Variants in RANBP2 observed in about 807,000 individuals in gnomAD.
RANBP2 encodes E3 SUMO-protein ligase RanBP2.
A neutral mutation model predicts 303.6 loss-of-function variants in RANBP2; 57 were observed. That is an observed-to-expected ratio of 0.19 (90% confidence interval 0.15 to 0.23). RANBP2 has a LOEUF of 0.23. RANBP2 is among the 10% of genes least tolerant of loss of function. The pLI, the probability that RANBP2 is intolerant of heterozygous loss-of-function variation, is 1.00. For missense variants in RANBP2, 3,138 were observed against 3,780.8 expected (o/e 0.83, Z 4.46); for synonymous variants, 1,167 against 1,301.5 (o/e 0.90, Z 2.23).
chr2:109,256,914 C>A, the RANBP2 span, among the ~76,000 whole-genome samples: 2,858 of 152,246 alleles, frequency 0.019, 96 homozygotes, highest in African/African-American at 0.065. Flanking sequence ...ATGTGTTTTT[C>A]ATGAACGGTG....
chr2:109,492,671 A>G, the RANBP2 span, among the ~76,000 whole-genome samples: 3 of 152,152 alleles, frequency 2.0e-5, no homozygotes, highest in Admixed American at 6.5e-5. Flanking sequence ...TAACTGGCCC[A>G]AGATCACACA....
At chr2:109,702,366 G>T in the RANBP2 span, among the ~76,000 whole-genome samples, 7 of 152,216 alleles carry the variant, frequency 4.6e-5, no homozygotes, top group Non-Finnish European at 1.5e-5. Flanking sequence ...ACCATTGCTT[G>T]TGTCAGGTTG....
At chr2:109,738,966 T>C in the RANBP2 span, among the ~76,000 whole-genome samples, 37 of 150,702 alleles carry the variant, frequency 2.5e-4, 1 homozygote, top group African/African-American at 7.8e-4. Flanking sequence ...TTCATTCTTT[T>C]GCATATAGAT....
chr2:109,661,246 C>CT, the RANBP2 span, among the ~76,000 whole-genome samples: 15 of 137,726 alleles, frequency 1.1e-4, no homozygotes, highest in South Asian at 9.5e-4. Flanking sequence ...AGTAGAAGGG[C>CT]TTTTTTTTTT....
the RANBP2 span, among the ~76,000 whole-genome samples, chr2:109,119,019 G>T: frequency 2.4e-4 from 36 of 152,286 alleles, no homozygotes; most frequent in Admixed American, 2.2e-3. Flanking sequence ...TAACGGACTT[G>T]CCTTTGCAGC....
chr2:109,091,278 A>C, the RANBP2 span, among the ~76,000 whole-genome samples: 48 of 152,100 alleles, frequency 3.2e-4, no homozygotes, highest in African/African-American at 1.1e-3. Flanking sequence ...AAAATAGATT[A>C]ATCTTGTACT....
the RANBP2 span, among the ~76,000 whole-genome samples, chr2:109,244,139 C>T: frequency 6.6e-6 from 1 of 151,920 alleles, no homozygotes; most frequent in East Asian, 1.9e-4. Flanking sequence ...AGCAAATCCT[C>T]TGTAGCTATT....
At chr2:109,266,868 G>A in the RANBP2 span, among the ~76,000 whole-genome samples, 1 of 152,184 alleles carries the variant, frequency 6.6e-6, no homozygotes, top group African/African-American at 2.4e-5. Flanking sequence ...GGAGACCACT[G>A]CTGCAGACCG....
At chr2:108,786,657 G>A (rs940489214), downstream of RANBP2, 10 of 636,646 alleles carry the variant, frequency 1.6e-5, no homozygotes, top group African/African-American at 5.8e-5. Flanking sequence ...AGGACGCGCT[G>A]ACAAGCCGGG....
At chr2:109,425,129 T>C in the RANBP2 span, among the ~76,000 whole-genome samples, 1 of 152,238 alleles carries the variant, frequency 6.6e-6, no homozygotes. Context: ...CAACATTCCC[T>C]TAAGCCAAAG....
chr2:109,591,635 G>A, the RANBP2 span, among the ~76,000 whole-genome samples: 2 of 152,156 alleles, frequency 1.3e-5, no homozygotes, highest in East Asian at 1.9e-4. Context: ...GGTGGCTCAC[G>A]TCTGTAATCC....
the RANBP2 span, among the ~76,000 whole-genome samples, chr2:108,797,962 A>ATT: frequency 7.1e-6 from 1 of 141,238 alleles, no homozygotes; most frequent in Admixed American, 7.1e-5. Flanking sequence ...ACGGTGTGTG[A>ATT]TTTTTTTTTT....
intron 23 of RANBP2, among the ~76,000 whole-genome samples, chr2:108,773,724 G>T (rs1677679257): frequency 1.3e-5 from 2 of 151,580 alleles, no homozygotes; most frequent in African/African-American, 4.8e-5. Context: ...TCTGCTCGCT[G>T]CAACCTCTGC....
downstream of RANBP2, among the ~76,000 whole-genome samples, chr2:108,790,300 A>G (rs920632404): frequency 1.4e-4 from 21 of 152,192 alleles, no homozygotes; most frequent in African/African-American, 4.1e-4. Context: ...TTTTCTTTTT[A>G]ACTGAGTTTT....
At chr2:109,073,092 C>G in the RANBP2 span, among the ~76,000 whole-genome samples, 1 of 152,090 alleles carries the variant, frequency 6.6e-6, no homozygotes, top group South Asian at 2.1e-4. Flanking sequence ...CTGACCCAAA[C>G]AGAATGGAGA....
the RANBP2 span, among the ~76,000 whole-genome samples, chr2:109,649,202 A>G: frequency 5.3e-5 from 8 of 152,178 alleles, no homozygotes; most frequent in Admixed American, 5.2e-4. Context: ...AGCAAGATTC[A>G]TCAAAGCTGG....
At chr2:109,193,632 C>T in the RANBP2 span, among the ~76,000 whole-genome samples, 1 of 152,172 alleles carries the variant, frequency 6.6e-6, no homozygotes, top group South Asian at 2.1e-4. Flanking sequence ...CACCACATTT[C>T]TTTCTCCATT....
the RANBP2 span, among the ~76,000 whole-genome samples, chr2:108,964,082 A>T: frequency 6.6e-6 from 1 of 152,200 alleles, no homozygotes; most frequent in Non-Finnish European, 1.5e-5. Context: ...ATGTTAATGA[A>T]TTCTACTTAA....
chr2:109,065,519 A>G, the RANBP2 span, among the ~76,000 whole-genome samples: 2 of 152,262 alleles, frequency 1.3e-5, no homozygotes, highest in East Asian at 3.9e-4. Context: ...TTTCTGCTGG[A>G]TCATGCGCAG....
Sources: allele counts gnomAD v4.1 joint callset (sites outside exome capture counted in the v4.1 genomes callset), GRCh38; gene constraint gnomAD v4.1.1; transcripts MANE v1.5; gene names NCBI Gene and HGNC (gene_info 2026-07-23, HGNC 2026-07-21).